The following ZSCAN18 variants were observed in gnomAD, a reference collection of about 807,000 sequenced individuals.
The protein encoded by ZSCAN18 is zinc finger and SCAN domain-containing protein 18.
Under a neutral mutation model 31.1 loss-of-function variants are expected in ZSCAN18, and 16 were observed. The ratio of observed to expected loss-of-function variants is 0.51; its 90% CI spans 0.35 to 0.78. The LOEUF is 0.78. Among genes scored for constraint, ZSCAN18 ranks in the 30% least tolerant of loss-of-function variants. The probability of loss-of-function intolerance (pLI) is 0.01; values close to 1 mark genes in which losing one functional copy is unlikely to be tolerated. For missense variants in ZSCAN18, 731 were observed against 697.4 expected (o/e 1.05, Z -0.54); for synonymous variants, 375 against 320.7 (o/e 1.17, Z -1.81).
In ZSCAN18 at chr19:58,088,832, G is replaced by A; in HGVS notation, c.409C>T (p.Leu137=). The A allele has an allele frequency of 1.9e-6, 3 of 1,611,080 alleles. No individual in the cohort carries two copies. The highest frequency in any genetic ancestry group is 1.1e-5 in the South Asian group (1 of 91,022). Residue 137 remains leucine, a synonymous_variant, in exon 3 of 7, where the codon CTG becomes TTG. Coordinates refer to ENST00000601144, the MANE Select transcript of ZSCAN18 (RefSeq NM_001145543.2). ...GATGAGCCCGCAGGGGAGCCCAGCA[G>A]CATCCCTGTCAACAGTGGAGGGACC... is the stretch of plus-strand genomic sequence containing the variant. The part of the protein sequence containing the change: ...LADVLEEPGM[L]LGSPAGSSSI...
In ZSCAN18 at chr19:58,084,950, G is replaced by A. The variant is rs779379617; in HGVS notation, c.1268C>T (p.Ala423Val). ...YACGECGEAF[A>V]WLSHLMEHHS... ...GTGCTCCATCAGGTGCGAGAGCCAC[G>A]CGAAGGCCTCCCCGCACTCGCCGCA... Residue 423 changes from alanine (A) to valine (V), a missense_variant, in exon 7 of 7, where the codon GCG (alanine) becomes GTG (valine). Physicochemically the swap from Ala to Val is moderately conservative, Grantham distance 64 (BLOSUM62 0). Transcript: ENST00000601144. The surrounding 1 kb of genome is among the most constrained non-coding windows in gnomAD (Gnocchi z 4.5). The A allele has an allele frequency of 6.3e-7, 1 of 1,598,402 alleles. No homozygotes were observed. Among genetic ancestry groups the A allele is most frequent in the Non-Finnish European group, 8.5e-7 (1 of 1,174,742 alleles).
chr19:58,109,195 G>A, intron 1 of ZSCAN18: 1 of 1,231,524 alleles, frequency 8.1e-7, no homozygotes, highest in Admixed American at 4.2e-5. Flanking sequence ...TCCTAATGCA[G>A]ATAAAACAGG....
At position 58,108,158 on chromosome 19, in the gene ZSCAN18, A is replaced by G. The variant is rs150843442; in HGVS notation, c.130+10109T>C. On this transcript the variant is annotated intron_variant, in intron 1 of 1. Coordinates refer to the ZSCAN18 transcript ENST00000595721. ...GACTGTTGTGGTTGGAGAATTTTTC[A>G]CACTCCATACACATATAGGGTCTCT... 1.3e-3 allele frequency: 1,241 copies of G among 986,622 alleles called. 8 individuals are homozygous for G. The African/African-American group carries it at 0.015, about 12-fold the overall frequency. The allele number at this position is 986,622 out of a possible 1,614,324, so 61.1% of individuals were successfully genotyped here. A position where few individuals can be genotyped will look rare whatever the true frequency, so the allele number is the denominator to read the frequency against.
upstream of ZSCAN18, among the ~76,000 whole-genome samples, chr19:58,099,980 A>G (rs868673387): frequency 7.0e-5 from 2 of 28,370 alleles, no homozygotes; most frequent in Non-Finnish European, 1.5e-4. Context: ...TTTTTTTTTG[A>G]GACAAGGTCT....
At chr19:58,115,010 A>C (rs1324780232) in intron 1 of ZSCAN18, among the ~76,000 whole-genome samples, 1 of 152,242 alleles carries the variant, frequency 6.6e-6, no homozygotes, top group African/African-American at 2.4e-5. Flanking sequence ...TGGAGTTACC[A>C]ACTGGGAAAA....
At chr19:58,115,008 C>G (rs1219048625) in intron 1 of ZSCAN18, among the ~76,000 whole-genome samples, 1 of 152,174 alleles carries the variant, frequency 6.6e-6, no homozygotes, top group Non-Finnish European at 1.5e-5. Flanking sequence ...TATGGAGTTA[C>G]CAACTGGGAA....
chr19:58,105,008 G>A (rs1004719231), intron 1 of ZSCAN18, among the ~76,000 whole-genome samples: 4 of 152,182 alleles, frequency 2.6e-5, no homozygotes, highest in African/African-American at 7.2e-5. Flanking sequence ...AGAACAGGCC[G>A]ACTCTTGTTA....
chr19:58,118,316 G>C (rs892989633), exon 1 of ZSCAN18: 9 of 1,529,868 alleles, frequency 5.9e-6, no homozygotes, highest in Non-Finnish European at 7.0e-6. Flanking sequence ...GGAGGAAACA[G>C]ACCCGAGAGG....
chr19:58,113,660 A>G (rs544103143), intron 1 of ZSCAN18, among the ~76,000 whole-genome samples: 1 of 152,224 alleles, frequency 6.6e-6, no homozygotes, highest in South Asian at 2.1e-4. Flanking sequence ...TCTTTTCACA[A>G]CCGTGGTAAG....
upstream of ZSCAN18, among the ~76,000 whole-genome samples, chr19:58,101,948 T>C (rs769095255): frequency 2.0e-5 from 3 of 152,152 alleles, no homozygotes; most frequent in Admixed American, 6.6e-5. Context: ...TTGAGTTTCC[T>C]ATATAGGCCT....
rs375884937 is a variant in ZSCAN18, at chr19:58,086,949, A to G, written c.702T>C (p.Pro234=). 1.2e-6 allele frequency: 2 copies of G among 1,613,846 alleles called. No individual in the cohort carries two copies. The highest frequency in any genetic ancestry group is 2.7e-5 in the African/African-American group (2 of 74,888). The change falls in exon 5 of 7, where the codon CCT becomes CCC. Residue 234 remains proline, a synonymous_variant. Coordinates refer to ENST00000601144, the MANE Select transcript of ZSCAN18 (RefSeq NM_001145543.2). ...QHLGEWGHLD[P]AEENLKSYRK... ...GGTAGCTCTTCAGGTTCTCCTCGGCAGGGTCCAGGTGGCCCCACTCCCCCA... is the reference window on the plus strand; with the variant it reads ...GGTAGCTCTTCAGGTTCTCCTCGGCGGGGTCCAGGTGGCCCCACTCCCCCA...
intron 1 of ZSCAN18, chr19:58,109,370 G>A (rs936942690): frequency 1.6e-6 from 2 of 1,230,066 alleles, no homozygotes; most frequent in African/African-American, 3.1e-5. Context: ...GAATGGTAAT[G>A]TGTAAACATT....
chr19:58,115,039 T>C (rs181236924), intron 1 of ZSCAN18, among the ~76,000 whole-genome samples: 1 of 152,316 alleles, frequency 6.6e-6, no homozygotes, highest in African/African-American at 2.4e-5. Context: ...TGTAAGGCCC[T>C]TTCCAGGCAA....
intron 1 of ZSCAN18, chr19:58,109,066 A>G (rs1445049965): frequency 1.6e-6 from 2 of 1,225,910 alleles, no homozygotes; most frequent in Non-Finnish European, 2.0e-6. Flanking sequence ...CACAATGGTC[A>G]TGGTGACCAC....
chr19:58,099,255 T>C (rs2074572160), upstream of ZSCAN18, among the ~76,000 whole-genome samples: 1 of 152,162 alleles, frequency 6.6e-6, no homozygotes. Context: ...TGCCTCTTGG[T>C]AGTCACTCCC....
chr19:58,088,926 T>C, intron 2 of ZSCAN18, 89 bp from the exon 3 acceptor site: 1 of 1,336,718 alleles, frequency 7.5e-7, no homozygotes, highest in Non-Finnish European at 1.0e-6. Flanking sequence ...ACCTGCAGGC[T>C]CCAGGGCCAC....
chr19:58,108,695 T>G (rs1341047823), intron 1 of ZSCAN18: 1 of 985,352 alleles, frequency 1.0e-6, no homozygotes, highest in African/African-American at 1.7e-5. Flanking sequence ...CCAGAGATAC[T>G]TCCATTGTGT....
Position 58,085,004 on chromosome 19 carries a change from G to T in ZSCAN18, c.1214C>A (p.Pro405Gln). 1.3e-6 allele frequency: 2 copies of T among 1,592,936 alleles called. No individual in the cohort carries two copies. Among genetic ancestry groups the T allele is most frequent in the East Asian group, 2.3e-5 (1 of 44,166 alleles). The change falls in exon 7 of 7, where the codon CCG becomes CAG. Residue 405 changes from proline (P) to glutamine (Q), a missense_variant. Pro to Gln is a moderately conservative substitution (Grantham distance 76). Coordinates refer to ENST00000601144, the MANE Select transcript of ZSCAN18 (RefSeq NM_001145543.2). ...EAGQGPGADE[P>Q]GLSRGKPYAC... ...ATAGGGCTTCCCGCGGGACAAGCCC[G>T]GCTCGTCAGCCCCAGGGCCCTGCCC...
chr19:58,100,247 G>A (rs2074582521), upstream of ZSCAN18, among the ~76,000 whole-genome samples: 1 of 152,030 alleles, frequency 6.6e-6, no homozygotes, highest in African/African-American at 2.4e-5. Context: ...GAGCCACCAT[G>A]CCCAGTCTTT....
Sources: allele counts gnomAD v4.1 joint callset (sites outside exome capture counted in the v4.1 genomes callset), GRCh38; gene constraint gnomAD v4.1.1; non-coding constraint Gnocchi (gnomAD v3.1); transcripts MANE v1.5; gene names NCBI Gene and HGNC (gene_info 2026-07-23, HGNC 2026-07-21).